ST3GAL3: variants seen among roughly 807,000 people sequenced by gnomAD.
The protein encoded by ST3GAL3 is CMP-N-acetylneuraminate-beta-1,4-galactoside alpha-2,3-sialyltransferase.
Under a neutral mutation model 50.1 loss-of-function variants are expected in ST3GAL3, and 21 were observed. That is an observed-to-expected ratio of 0.42 (90% CI 0.30 to 0.60). The LOEUF is 0.60. Among genes scored for constraint, ST3GAL3 ranks in the 20% least tolerant of loss-of-function variants. The pLI is 0.19. For missense variants in ST3GAL3, 353 were observed against 489.4 expected (o/e 0.72, Z 2.63); for synonymous variants, 183 against 190.0 (o/e 0.96, Z 0.30).
chr1:43,930,111 T>C (rs761719390), intron 11 of ST3GAL3, 21 bp from the exon 12 acceptor site: 3 of 1,612,382 alleles, frequency 1.9e-6, no homozygotes, highest in South Asian at 2.2e-5. Flanking sequence ...GCCCAACTGA[T>C]CACTTCATCT....
chr1:43,813,612 C>G (rs1237007144), intron 3 of ST3GAL3, among the ~76,000 whole-genome samples: 6 of 152,142 alleles, frequency 3.9e-5, no homozygotes, highest in African/African-American at 1.4e-4. Context: ...CTCTTCACAG[C>G]TCAGATGATT....
chr1:43,836,170 G>A (rs1001658040), intron 4 of ST3GAL3, among the ~76,000 whole-genome samples: 1 of 152,226 alleles, frequency 6.6e-6, no homozygotes, highest in African/African-American at 2.4e-5. Flanking sequence ...TTTTGTCACT[G>A]TGCCTAGTCA....
At chr1:43,800,038 C>G (rs1366560408) in intron 3 of ST3GAL3, among the ~76,000 whole-genome samples, 1 of 152,096 alleles carries the variant, frequency 6.6e-6, no homozygotes, top group Non-Finnish European at 1.5e-5. Context: ...CTGTGATTCT[C>G]TTACCTGGGG....
At chr1:43,768,871 A>G (rs1216743266) in intron 2 of ST3GAL3, among the ~76,000 whole-genome samples, 2 of 152,226 alleles carry the variant, frequency 1.3e-5, no homozygotes, top group Admixed American at 1.3e-4. Context: ...AGAGAACTGA[A>G]AAAGAGGGAC....
chr1:43,778,027 C>T (rs2154138997), intron 2 of ST3GAL3, among the ~76,000 whole-genome samples: 1 of 152,286 alleles, frequency 6.6e-6, no homozygotes, highest in African/African-American at 2.4e-5. Flanking sequence ...AGAATCAACC[C>T]AGATGCCAAT....
intron 5 of ST3GAL3, among the ~76,000 whole-genome samples, chr1:43,856,198 T>G (rs1294995131): frequency 6.6e-6 from 1 of 152,258 alleles, no homozygotes; most frequent in African/African-American, 2.4e-5. Context: ...CAAATGCATG[T>G]ATACAAAAAG....
At chr1:43,894,283 G>C (rs2077055855) in intron 5 of ST3GAL3, 100 bp from the exon 6 acceptor site, 30 of 1,150,702 alleles carry the variant, frequency 2.6e-5, no homozygotes, top group Non-Finnish European at 3.4e-5. Flanking sequence ...TGCAGAGGGG[G>C]CTTCCAGCAG....
chr1:43,842,638 C>G (rs956375527), intron 5 of ST3GAL3: 1 of 151,906 alleles, frequency 6.6e-6, no homozygotes, highest in Admixed American at 6.6e-5. Context: ...AACCCCGTCT[C>G]TACTAAAAAT....
chr1:43,711,174 G>A (rs932167814), intron 1 of ST3GAL3, among the ~76,000 whole-genome samples: 6 of 152,190 alleles, frequency 3.9e-5, no homozygotes, highest in Admixed American at 6.5e-5. Context: ...CTTCAGTGGC[G>A]TAACAGAACA....
chr1:43,731,278 T>G (rs529737439), intron 1 of ST3GAL3, among the ~76,000 whole-genome samples: 1 of 152,160 alleles, frequency 6.6e-6, no homozygotes, highest in African/African-American at 2.4e-5. Context: ...GTGGCACGAT[T>G]TCGGCTCACT....
chr1:43,926,726 G>A (rs1049550829), intron 11 of ST3GAL3, among the ~76,000 whole-genome samples: 3 of 152,120 alleles, frequency 2.0e-5, no homozygotes, highest in Admixed American at 6.5e-5. Flanking sequence ...CACCAGCCGC[G>A]GCCAGTTCAA....
rs11577037 is a variant in ST3GAL3, at chr1:43,734,587, G to T, written c.-30-1646G>T. The stretch of plus-strand genomic sequence containing the variant: ...AGCCTACCAAAGTTCTGGGATTATA[G>T]GCGTGAGCCACTGTGCCCAGCCCAC... On this transcript the variant is annotated intron_variant, in intron 1 of 11. Transcript: ENST00000347631. 7.7e-3 allele frequency among the ~76,000 whole-genome samples: 1,172 copies of T among 152,132 alleles called. 7 individuals are homozygous for T. Among genetic ancestry groups the T allele is most frequent in the Non-Finnish European group, 0.011 (768 of 67,974 alleles).
At chr1:43,913,239 G>C (rs1034168158) in intron 9 of ST3GAL3, 1 of 152,204 alleles carries the variant, frequency 6.6e-6, no homozygotes, top group African/African-American at 2.4e-5. Context: ...CACTCTCCTG[G>C]CCTCTGTGAC....
intron 9 of ST3GAL3, among the ~76,000 whole-genome samples, chr1:43,915,442 A>G (rs2081621617): frequency 6.6e-6 from 1 of 152,228 alleles, no homozygotes; most frequent in Non-Finnish European, 1.5e-5. Flanking sequence ...AGGAAATGGT[A>G]CATTCCTTGC....
At chr1:43,790,857 C>T (rs1446611693) in intron 2 of ST3GAL3, among the ~76,000 whole-genome samples, 2 of 151,750 alleles carry the variant, frequency 1.3e-5, no homozygotes, top group South Asian at 2.1e-4. Context: ...AGGATGGTCT[C>T]GATCTCTTGA....
intron 2 of ST3GAL3, among the ~76,000 whole-genome samples, chr1:43,747,074 T>G (rs933485506): frequency 6.6e-6 from 1 of 152,000 alleles, no homozygotes; most frequent in Non-Finnish European, 1.5e-5. Flanking sequence ...CCTAAAATGG[T>G]AAATTTTATG....
intron 5 of ST3GAL3, among the ~76,000 whole-genome samples, chr1:43,893,314 C>T (rs1007560515): frequency 6.6e-6 from 1 of 152,224 alleles, no homozygotes; most frequent in Non-Finnish European, 1.5e-5. Context: ...CCACGGAGGC[C>T]CAGGCCTCCA....
intron 2 of ST3GAL3, chr1:43,772,384 T>C: frequency 5.2e-6 from 1 of 191,560 alleles, no homozygotes; most frequent in Non-Finnish European, 1.1e-5. Flanking sequence ...TATATTTGCT[T>C]TTTGTCATGA....
intron 5 of ST3GAL3, chr1:43,858,432 GAGC>G: frequency 2.5e-6 from 2 of 815,620 alleles, no homozygotes; most frequent in Non-Finnish European, 3.3e-6. Context: ...TCCCTGGTGA[GAGC>G]AGGCAGGCTG....
Sources: allele counts gnomAD v4.1 joint callset (sites outside exome capture counted in the v4.1 genomes callset), GRCh38; gene constraint gnomAD v4.1.1; transcripts MANE v1.5; gene names NCBI Gene and HGNC (gene_info 2026-07-23, HGNC 2026-07-21).